KCNQ5: variants seen among roughly 807,000 people sequenced by gnomAD.
KCNQ5 encodes the protein potassium voltage-gated channel subfamily Q member 5.
Under a neutral mutation model 98.2 loss-of-function variants are expected in KCNQ5, and 30 were observed. The ratio of observed to expected loss-of-function variants is 0.31; its 90% CI spans 0.23 to 0.41. The LOEUF (loss-of-function observed/expected upper bound fraction) is 0.41. KCNQ5 is among the 10% of genes least tolerant of loss of function. KCNQ5 has a pLI of 1.00. For missense variants in KCNQ5, 835 were observed against 1,182.5 expected (o/e 0.71, Z 4.31); for synonymous variants, 458 against 449.4 (o/e 1.02, Z -0.24).
chr6:72,662,800 A>G (rs1766596691), intron 1 of KCNQ5, among the ~76,000 whole-genome samples: 1 of 152,170 alleles, frequency 6.6e-6, no homozygotes, highest in Non-Finnish European at 1.5e-5. Flanking sequence ...AAACAAGGCT[A>G]TTTTGAGAGC....
chr6:72,799,912 G>T (rs774543822), intron 1 of KCNQ5, among the ~76,000 whole-genome samples: 1 of 151,960 alleles, frequency 6.6e-6, no homozygotes, highest in South Asian at 2.1e-4. Context: ...TACTGAAGAA[G>T]CATCAAGCTA....
intron 2 of KCNQ5, among the ~76,000 whole-genome samples, chr6:73,009,845 G>C (rs1769984090): frequency 6.6e-6 from 1 of 152,054 alleles, no homozygotes; most frequent in Non-Finnish European, 1.5e-5. Flanking sequence ...AAACCGAATA[G>C]TGCTATAACT....
intron 1 of KCNQ5, among the ~76,000 whole-genome samples, chr6:72,801,975 A>T (rs1430335352): frequency 2.0e-5 from 3 of 152,130 alleles, no homozygotes; most frequent in Non-Finnish European, 4.4e-5. Context: ...TCTGGCTTGT[A>T]GGGTTTCTGC....
intron 2 of KCNQ5, among the ~76,000 whole-genome samples, chr6:73,027,454 AG>A (rs1770940778): frequency 6.6e-6 from 1 of 152,198 alleles, no homozygotes; most frequent in Non-Finnish European, 1.5e-5. Context: ...GATGATTGAA[AG>A]GGGGTAATTA....
At chr6:72,767,307 C>A (rs1772624454) in intron 1 of KCNQ5, among the ~76,000 whole-genome samples, 2 of 151,776 alleles carry the variant, frequency 1.3e-5, no homozygotes, top group East Asian at 3.9e-4. Context: ...GAAATTGGAC[C>A]CTTACCTCAC....
chr6:73,073,867 T>G (rs182929916), intron 3 of KCNQ5, among the ~76,000 whole-genome samples: 1 of 152,298 alleles, frequency 6.6e-6, no homozygotes, highest in African/African-American at 2.4e-5. Context: ...ACTCCCCCAA[T>G]TTAATATATA....
At chr6:73,168,875 GT>G (rs941389383) in intron 10 of KCNQ5, among the ~76,000 whole-genome samples, 8 of 152,216 alleles carry the variant, frequency 5.3e-5, no homozygotes, top group African/African-American at 1.4e-4. Context: ...TATGCAGAGA[GT>G]TTTTTTCTTT....
chr6:72,850,213 A>G (rs1409935409), intron 1 of KCNQ5, among the ~76,000 whole-genome samples: 2 of 152,162 alleles, frequency 1.3e-5, no homozygotes, highest in African/African-American at 2.4e-5. Context: ...ACATCAGCCA[A>G]TTTCATGGAG....
intron 1 of KCNQ5, among the ~76,000 whole-genome samples, chr6:72,841,835 T>C (rs1776808143): frequency 6.6e-6 from 1 of 152,158 alleles, no homozygotes; most frequent in Non-Finnish European, 1.5e-5. Context: ...ATTACTGTAA[T>C]TATTAAGAAA....
intron 1 of KCNQ5, among the ~76,000 whole-genome samples, chr6:72,962,281 A>G (rs576460764): frequency 6.8e-6 from 1 of 146,796 alleles, no homozygotes; most frequent in East Asian, 2.0e-4. Flanking sequence ...ATATATATAT[A>G]TGGGAGCTAA....
At chr6:72,671,903 A>G (rs1767129765) in intron 1 of KCNQ5, among the ~76,000 whole-genome samples, 1 of 149,944 alleles carries the variant, frequency 6.7e-6, no homozygotes, top group African/African-American at 2.5e-5. Context: ...TGCGAGCTCC[A>G]CCTCCCAGGT....
intron 1 of KCNQ5, among the ~76,000 whole-genome samples, chr6:72,651,832 G>C (rs946647061): frequency 2.0e-5 from 3 of 152,000 alleles, no homozygotes; most frequent in Non-Finnish European, 2.9e-5. Context: ...GGAAATGTCT[G>C]TGGTATTTGG....
intron 11 of KCNQ5, among the ~76,000 whole-genome samples, chr6:73,173,760 G>T (rs918249381): frequency 2.6e-5 from 4 of 151,550 alleles, no homozygotes; most frequent in African/African-American, 9.7e-5. Context: ...GACCAGCCTG[G>T]GCAACATGGT....
intron 1 of KCNQ5, among the ~76,000 whole-genome samples, chr6:72,950,769 A>T (rs1032059738): frequency 6.6e-6 from 1 of 152,190 alleles, no homozygotes; most frequent in Non-Finnish European, 1.5e-5. Context: ...GAATTCTAAG[A>T]ATATGTTTTC....
chr6:72,730,625 A>G (rs564831867), intron 1 of KCNQ5, among the ~76,000 whole-genome samples: 25 of 152,232 alleles, frequency 1.6e-4, no homozygotes, highest in African/African-American at 6.0e-4. Flanking sequence ...CCAAAATTTC[A>G]TTTATTTTTT....
At chr6:72,817,030 G>A (rs1340650535) in intron 1 of KCNQ5, among the ~76,000 whole-genome samples, 3 of 152,104 alleles carry the variant, frequency 2.0e-5, no homozygotes, top group Non-Finnish European at 2.9e-5. Context: ...GGGACTGCTA[G>A]GTTACATTTA....
At chr6:72,949,957 T>C (rs1766722959) in intron 1 of KCNQ5, among the ~76,000 whole-genome samples, 1 of 152,194 alleles carries the variant, frequency 6.6e-6, no homozygotes, top group South Asian at 2.1e-4. Flanking sequence ...AAATAGTTTT[T>C]TATTTAAAAC....
At chr6:72,767,532 A>C (rs1772640030) in intron 1 of KCNQ5, among the ~76,000 whole-genome samples, 1 of 152,054 alleles carries the variant, frequency 6.6e-6, no homozygotes, top group Non-Finnish European at 1.5e-5. Flanking sequence ...AAAAGACACC[A>C]TAAAGAAAGT....
At chr6:73,194,197 T>C (rs1233744157) in intron 13 of KCNQ5, among the ~76,000 whole-genome samples, 3 of 152,180 alleles carry the variant, frequency 2.0e-5, no homozygotes, top group Non-Finnish European at 2.9e-5. Context: ...AGAGGCACTA[T>C]TTAAAGAAGT....
Sources: allele counts gnomAD v4.1 joint callset (sites outside exome capture counted in the v4.1 genomes callset), GRCh38; gene constraint gnomAD v4.1.1; transcripts MANE v1.5; gene names NCBI Gene and HGNC (gene_info 2026-07-23, HGNC 2026-07-21).